ABCG8: variants seen among roughly 807,000 people sequenced by gnomAD.
The protein encoded by ABCG8 is ATP binding cassette subfamily G member 8, also known as ATP-binding cassette sub-family G member 8.
In ABCG8, 81 loss-of-function variants were observed where a neutral mutation model predicts 71.3. The observed-to-expected ratio is 1.14, with a 90% CI of 0.95 to 1.37. The LOEUF (loss-of-function observed/expected upper bound fraction) is 1.37. Among genes scored for constraint, ABCG8 ranks in the 40% most tolerant of loss-of-function variants. The pLI is 0.00. For missense variants in ABCG8, 1,119 were observed against 866.2 expected, an observed-to-expected ratio of 1.29 and a Z score of -3.66; for synonymous variants, 451 against 354.7, an observed-to-expected ratio of 1.27 and a Z score of -3.05.
chr2:43,851,541 C>A, intron 3 of ABCG8, 43 bp from the exon 4 acceptor site: 2 of 1,609,514 alleles, frequency 1.2e-6, no homozygotes, highest in South Asian at 1.1e-5. Flanking sequence ...GCCTGGCCCC[C>A]ACAGAAGCTC....
At chr2:43,860,033 T>C (rs1311575103) in intron 6 of ABCG8, among the ~76,000 whole-genome samples, 1 of 139,084 alleles carries the variant, frequency 7.2e-6, no homozygotes, top group Non-Finnish European at 1.6e-5. Context: ...AGAATTATCA[T>C]CCTCTGGATA....
intron 6 of ABCG8, among the ~76,000 whole-genome samples, chr2:43,867,700 T>C (rs1558841271): frequency 6.6e-6 from 1 of 150,404 alleles, no homozygotes; most frequent in Non-Finnish European, 1.5e-5. Flanking sequence ...GAATTCTCAC[T>C]CTGTGGATAG....
Position 43,880,173 on chromosome 2 carries a change from G to GTTTTTTTTTTTT in ABCG8, c.*2264_*2265insTTTTTTTTTTTT, listed in dbSNP as rs369164911. Reference sequence around the variant, plus strand: ...ACCAAGAGTTTCAGGCTCATTTTTTGTTTTGTTTTTTTTTTTTTGAGACAG... The same window carrying GTTTTTTTTTTTT: ...ACCAAGAGTTTCAGGCTCATTTTTTGTTTTTTTTTTTTTTTTGTTTTTTTTTTTTTGAGACAG... On this transcript the variant is annotated 3_prime_UTR_variant, in exon 13 of 13. Transcript: ENST00000272286. 1.2e-5 allele frequency: 1 copy of GTTTTTTTTTTTT among 86,054 alleles called. No individual in the cohort carries two copies. The allele number at this position is 86,054 out of a possible 1,614,324, so 5.3% of individuals were successfully genotyped here. A position where few individuals can be genotyped will look rare whatever the true frequency, so the allele number is the denominator to read the frequency against.
intron 3 of ABCG8, chr2:43,848,236 G>C (rs897941050): frequency 6.6e-6 from 1 of 152,232 alleles, no homozygotes; most frequent in Admixed American, 6.5e-5. Flanking sequence ...AACAGGACCA[G>C]TTCAGAGGCT....
intron 6 of ABCG8, among the ~76,000 whole-genome samples, chr2:43,853,254 G>A (rs957691730): frequency 3.3e-5 from 5 of 152,196 alleles, no homozygotes; most frequent in African/African-American, 1.2e-4. Flanking sequence ...TCCCACAGTG[G>A]CAGGGAGCCT....
At chr2:43,857,045 CACTA>C (rs932014920) in intron 6 of ABCG8, among the ~76,000 whole-genome samples, 13 of 151,806 alleles carry the variant, frequency 8.6e-5, no homozygotes, top group Middle Eastern at 6.8e-3. Flanking sequence ...ATATAACTCT[CACTA>C]ACTGTCTGGA....
rs548945054 is a variant in ABCG8 at position 43,842,519 on chromosome 2, C to T, written c.64-1988C>T. ...TTACCTCCTCTCCCTCAACCTCCCT[C>T]CTGCTTGGGGGCTTTGGCAACTGGG... On this transcript the variant is annotated intron_variant, in intron 1 of 12. Transcript: ENST00000272286. 2.6e-5 allele frequency among the ~76,000 whole-genome samples: 4 copies of T among 152,122 alleles called. No individual in the cohort carries two copies. In the East Asian group the frequency reaches 5.8e-4, roughly 22 times the overall value.
intron 6 of ABCG8, among the ~76,000 whole-genome samples, chr2:43,853,780 G>A (rs1280224603): frequency 1.3e-5 from 2 of 152,200 alleles, no homozygotes; most frequent in South Asian, 2.1e-4. Flanking sequence ...CAGCACAGTT[G>A]TAAGGCACAG....
chr2:43,859,972 T>G (rs1669248537), intron 6 of ABCG8, among the ~76,000 whole-genome samples: 1 of 151,538 alleles, frequency 6.6e-6, no homozygotes, highest in African/African-American at 2.4e-5. Flanking sequence ...ACTCTCACTA[T>G]CAATGTGGAT....
intron 6 of ABCG8, among the ~76,000 whole-genome samples, chr2:43,858,505 T>C (rs529760778): frequency 6.6e-6 from 1 of 151,734 alleles, no homozygotes; most frequent in Admixed American, 6.6e-5. Flanking sequence ...TGAATAGTAC[T>C]CTCACTATCT....
rs142419905 is a variant in ABCG8, at chr2:43,839,723, G to A, written c.63+607G>A. ...AGGCATGAGCCACCGTGCCTGGCCA[G>A]TTTCGCTTTTTCCGAATGAGACTCC... is the stretch of plus-strand genomic sequence containing the variant. On this transcript the variant is annotated intron_variant, in intron 1 of 12. Transcript: ENST00000272286. 1.3e-3 allele frequency among the ~76,000 whole-genome samples: 198 copies of A among 152,142 alleles called. 1 individual carries two copies. Among genetic ancestry groups the A allele is most frequent in the African/African-American group, 4.5e-3 (187 of 41,498 alleles).
chr2:43,843,220 C>A (rs549804712), intron 1 of ABCG8, among the ~76,000 whole-genome samples: 2 of 152,322 alleles, frequency 1.3e-5, no homozygotes, highest in Non-Finnish European at 2.9e-5. Context: ...TGTCACATCC[C>A]AAATTCCAAG....
At chr2:43,872,924 C>T (rs72798839) in intron 8 of ABCG8, among the ~76,000 whole-genome samples, 8,147 of 152,168 alleles carry the variant, frequency 0.054, 272 homozygotes, top group Middle Eastern at 0.11. Flanking sequence ...GAAAGCCAGA[C>T]GGCACTGTGT....
At chr2:43,864,524 C>A (rs1669451698) in intron 6 of ABCG8, among the ~76,000 whole-genome samples, 1 of 151,756 alleles carries the variant, frequency 6.6e-6, no homozygotes, top group Admixed American at 6.6e-5. Flanking sequence ...CTCTCACCAT[C>A]TGTCTGGGTA....
intron 3 of ABCG8, among the ~76,000 whole-genome samples, chr2:43,849,938 G>C (rs1019232593): frequency 9.9e-5 from 15 of 152,100 alleles, no homozygotes; most frequent in Non-Finnish European, 1.2e-4. Flanking sequence ...GGTGGCTCAC[G>C]TCTGTCATCC....
Position 43,873,885 on chromosome 2 carries a change from G to T in ABCG8, c.1310G>T (p.Gly437Val), listed in dbSNP as rs1350136626. 1 of 1,613,930 alleles carries T rather than the reference G, an allele frequency of 6.2e-7. No homozygotes were observed. Residue 437 changes from glycine (G) to valine (V), a missense_variant, in exon 9 of 13, where the codon GGC becomes GTC. Physicochemically the swap from Gly to Val is moderately radical, Grantham distance 109. Transcript: ENST00000272286. ...MSMTIGFLYFGHGSIQLSFMD... is the reference protein window; with the variant it reads ...MSMTIGFLYFVHGSIQLSFMD... ...ATGACCATCGGCTTCCTCTATTTTGGCCATGGGAGCATCCAGCTCTCCTTC... is the reference window on the plus strand; with the variant it reads ...ATGACCATCGGCTTCCTCTATTTTGTCCATGGGAGCATCCAGCTCTCCTTC...
At chr2:43,877,411 G>C in intron 11 of ABCG8, 150 bp from the exon 12 acceptor site, 3 of 1,269,232 alleles carry the variant, frequency 2.4e-6, no homozygotes, top group Admixed American at 1.8e-5. Flanking sequence ...GAATATATGG[G>C]AGACTGTGGG....
rs143907686 is a variant in ABCG8 at position 43,852,445 on chromosome 2, G to A, written c.653G>A (p.Arg218His). 39 of 1,612,902 alleles carry A rather than the reference G, an allele frequency of 2.4e-5. No homozygotes were observed. Among genetic ancestry groups the A allele is most frequent in the South Asian group, 2.3e-4 (21 of 91,038 alleles). Residue 218 changes from arginine (R) to histidine (H), a missense_variant, in exon 5 of 13, where the codon CGC becomes CAC. Arg to His is a conservative substitution (Grantham distance 29). Coordinates refer to ENST00000272286, the MANE Select transcript of ABCG8 (RefSeq NM_022437.3). The stretch of plus-strand genomic sequence containing the variant: ...GTGCGGGGGTTGTCGGGGGGTGAGC[G>A]CAGGAGAGTCAGCATTGGGGTGCAG... Reference protein sequence around the residue: ...MYVRGLSGGERRRVSIGVQLL... With the variant: ...MYVRGLSGGEHRRVSIGVQLL...
At chr2:43,857,973 A>C (rs1286712461) in intron 6 of ABCG8, among the ~76,000 whole-genome samples, 2 of 150,594 alleles carry the variant, frequency 1.3e-5, no homozygotes, top group Admixed American at 6.6e-5. Context: ...TCTGGATAGA[A>C]TTCTCACTAT....
Sources: gnomAD v4.1 joint callset for allele counts (sites outside exome capture counted in the v4.1 genomes callset) on GRCh38, gnomAD v4.1.1 for gene constraint, MANE v1.5 for transcripts, NCBI Gene and HGNC (gene_info 2026-07-23, HGNC 2026-07-21) for gene names.